TCTN1: variants seen among roughly 807,000 people sequenced by gnomAD.
TCTN1 encodes tectonic family member 1.
A neutral mutation model predicts 65.8 loss-of-function variants in TCTN1; 58 were observed. That is an observed-to-expected ratio of 0.88 (90% confidence interval 0.71 to 1.10). The LOEUF (loss-of-function observed/expected upper bound fraction) is 1.10. TCTN1 is among the 50% of genes least tolerant of loss of function. The probability of loss-of-function intolerance (pLI) is 0.00; values close to 1 mark genes in which losing one functional copy is unlikely to be tolerated. For missense variants in TCTN1, 645 were observed against 719.4 expected, an observed-to-expected ratio of 0.90 and a Z score of 1.18; for synonymous variants, 273 against 289.1, an observed-to-expected ratio of 0.94 and a Z score of 0.57.
chr12:110,629,053 T>C, intron 4 of TCTN1, 135 bp downstream of exon 4: 1 of 930,856 alleles, frequency 1.1e-6, no homozygotes, highest in Non-Finnish European at 1.6e-6. Flanking sequence ...TTAATGTTCA[T>C]GCCTACAAAT....
intron 6 of TCTN1, 144 bp downstream of exon 6, chr12:110,634,923 T>G: frequency 1.6e-6 from 1 of 617,382 alleles, no homozygotes; most frequent in Non-Finnish European, 2.8e-6. Flanking sequence ...TATCAGTGAT[T>G]ATTGAAATAA....
At chr12:110,647,412 ATTAC>A (rs929119302) in intron 13 of TCTN1, 76 bp downstream of exon 13, 3 of 1,574,252 alleles carry the variant, frequency 1.9e-6, no homozygotes, top group African/African-American at 2.7e-5. Context: ...GGTGACAGGT[ATTAC>A]TTTGTGAAAA....
Position 110,644,537 on chromosome 12 carries a change from G to C in TCTN1, c.1332-430G>C. ...CTAAAAATACAAAAAAATTAGCCAG[G>C]CATGGTGGTGGGCACCTGTAGTCCC... On this transcript the variant is annotated intron_variant, in intron 11 of 14. Coordinates refer to ENST00000397659, the MANE Select transcript of TCTN1 (RefSeq NM_001082538.3). The surrounding 1 kb of genome is among the most constrained non-coding windows in gnomAD (Gnocchi z 4.6). The C allele has an allele frequency of 4.1e-6, 1 of 241,686 alleles. No individual in the cohort carries two copies. Among genetic ancestry groups the C allele is most frequent in the South Asian group, 4.8e-5 (1 of 21,040 alleles). The allele number at this position is 241,686 out of a possible 1,614,324, so 15.0% of individuals were successfully genotyped here.
At position 110,640,449 on chromosome 12, in the gene TCTN1, A is replaced by G. The variant is rs1593348937; in HGVS notation, c.910A>G (p.Thr304Ala). Residue 304 changes from threonine (T) to alanine (A), a missense_variant, in exon 8 of 15, where the codon ACT (threonine) becomes GCT (alanine). Thr to Ala is a moderately conservative substitution (Grantham distance 58). Coordinates refer to ENST00000397659, the MANE Select transcript of TCTN1 (RefSeq NM_001082538.3). The surrounding 1 kb of genome is among the most constrained non-coding windows in gnomAD (Gnocchi z 4.9). Reference protein sequence around the residue: ...LNKTLTRREDTDVLQPTLVNA... With the variant: ...LNKTLTRREDADVLQPTLVNA... ...TAAAACGCTCACCCGACGGGAGGAC[A>G]CTGATGTGCTGCAGCCGACTCTCGT... 2 of 1,614,204 alleles carry G rather than the reference A, an allele frequency of 1.2e-6. No individual in the cohort carries two copies. Among genetic ancestry groups the G allele is most frequent in the Non-Finnish European group, 1.7e-6 (2 of 1,180,042 alleles).
At chr12:110,629,987 A>G (rs1320714187) in intron 4 of TCTN1, 3 of 152,122 alleles carry the variant, frequency 2.0e-5, no homozygotes, top group Admixed American at 6.5e-5. Context: ...AAAACCAAAC[A>G]TCGCATGTTC....
At chr12:110,629,446 A>C (rs1210577250) in intron 4 of TCTN1, 1 of 152,884 alleles carries the variant, frequency 6.5e-6, no homozygotes, top group Non-Finnish European at 1.5e-5. Context: ...ATGAATAGAC[A>C]CTTTTCAAAA....
intron 2 of TCTN1, among the ~76,000 whole-genome samples, chr12:110,620,267 G>T (rs1269382546): frequency 6.6e-6 from 1 of 152,074 alleles, no homozygotes; most frequent in Non-Finnish European, 1.5e-5. Context: ...AATTAGCCGG[G>T]CATGTTGGCG....
chr12:110,636,329 G>T, intron 6 of TCTN1, 152 bp from the exon 7 acceptor site: 1 of 593,052 alleles, frequency 1.7e-6, no homozygotes, highest in Non-Finnish European at 3.1e-6. Context: ...AACACATGCA[G>T]ATGGGGAGTC....
chr12:110,622,490 A>G (rs1364300458), intron 2 of TCTN1, among the ~76,000 whole-genome samples: 1 of 152,220 alleles, frequency 6.6e-6, no homozygotes, highest in African/African-American at 2.4e-5. Context: ...GAGGAATGGC[A>G]TCTAACTCAG....
intron 5 of TCTN1, 44 bp downstream of exon 5, chr12:110,632,603 T>C (rs972727791): frequency 1.2e-6 from 2 of 1,601,952 alleles, no homozygotes; most frequent in African/African-American, 2.7e-5. Flanking sequence ...TTTGCTGTTA[T>C]TATTAGGTTG....
At chr12:110,616,325 C>A in intron 1 of TCTN1, 1 of 437,474 alleles carries the variant, frequency 2.3e-6, no homozygotes, top group Non-Finnish European at 4.6e-6. Context: ...GATCACAGCT[C>A]ACTGCAGCCT....
At position 110,645,274 on chromosome 12, in the gene TCTN1, C is replaced by A. The variant is rs1015038133; in HGVS notation, c.1494+145C>A. 25 of 1,075,096 alleles carry A rather than the reference C, an allele frequency of 2.3e-5. No individual in the cohort carries two copies. The African/African-American group carries it at 3.8e-4, about 16-fold the overall frequency. 66.6% of individuals were successfully genotyped at this position (1,075,096 alleles called of 1,614,324 possible). A position where few individuals can be genotyped will look rare whatever the true frequency, so the allele number is the denominator to read the frequency against. ...CTGAATCTTGGATACTGATTTTTGC[C>A]CCTTGTTAGCAATGTTGCCTCTGGC... is the stretch of plus-strand genomic sequence containing the variant. On this transcript the variant is annotated intron_variant, in intron 12 of 14. Coordinates refer to ENST00000397659, the MANE Select transcript of TCTN1 (RefSeq NM_001082538.3).
chr12:110,631,277 G>A (rs1411877801), intron 4 of TCTN1, among the ~76,000 whole-genome samples: 4 of 54,406 alleles, frequency 7.4e-5, no homozygotes, highest in Non-Finnish European at 1.4e-4. Flanking sequence ...CGCTCGCCTC[G>A]GCCTCCCAAA....
chr12:110,620,079 C>T, intron 2 of TCTN1, 123 bp downstream of exon 2: 1 of 1,435,974 alleles, frequency 7.0e-7, no homozygotes, highest in Non-Finnish European at 9.7e-7. Flanking sequence ...TTACGTCGTT[C>T]TGAAGCCATA....
At position 110,647,181 on chromosome 12, in the gene TCTN1, C is replaced by G; in HGVS notation, c.1495-15C>G. ...GTCTGACTTGCAGTTTTGTAAGATT[C>G]TAATGGATTAACAGCATTTTGTTTT... On this transcript the variant is annotated splice_polypyrimidine_tract_variant and intron_variant, in intron 12 of 14. Transcript: ENST00000397659. The G allele has an allele frequency of 6.2e-7, 1 of 1,614,150 alleles. No homozygotes were observed. Among genetic ancestry groups the G allele is most frequent in the East Asian group, 2.2e-5 (1 of 44,886 alleles).
Position 110,628,849 on chromosome 12 carries a change from T to C in TCTN1, c.555T>C (p.Phe185=). The part of the protein sequence containing the change: ...FDTLMKTSDG[F]TLNAESYVSF... The stretch of plus-strand genomic sequence containing the variant: ...CATTGATGAAAACATCTGATGGTTT[T>C]ACATTGAATGCTGAATCATATGTTT... Residue 185 remains phenylalanine (F), a synonymous_variant, in exon 4 of 15, where the codon TTT becomes TTC. Transcript: ENST00000397659. 6.2e-7 allele frequency: 1 copy of C among 1,613,698 alleles called. No homozygotes were observed. The highest frequency in any genetic ancestry group is 8.5e-7 in the Non-Finnish European group (1 of 1,179,850).
intron 10 of TCTN1, 28 bp downstream of exon 10, chr12:110,641,655 G>A: frequency 1.3e-6 from 2 of 1,596,326 alleles, no homozygotes; most frequent in East Asian, 4.5e-5. Flanking sequence ...GTAGAGGGTG[G>A]ATTTATTTCT....
At chr12:110,627,845 G>A (rs758017430) in intron 3 of TCTN1, 19 of 606,386 alleles carry the variant, frequency 3.1e-5, no homozygotes, top group South Asian at 7.9e-5. Flanking sequence ...TCAGAGACAC[G>A]TTTATGCTTT....
At chr12:110,634,874 A>G (rs555282548) in intron 6 of TCTN1, 95 bp downstream of exon 6, 34 of 904,882 alleles carry the variant, frequency 3.8e-5, no homozygotes, top group Non-Finnish European at 5.3e-5. Flanking sequence ...ATTTCAGTAC[A>G]TGATTGACAC....
Sources: gnomAD v4.1 joint callset for allele counts (sites outside exome capture counted in the v4.1 genomes callset) on GRCh38, gnomAD v4.1.1 for gene constraint, Gnocchi (gnomAD v3.1) non-coding constraint, MANE v1.5 for transcripts, NCBI Gene and HGNC (gene_info 2026-07-23, HGNC 2026-07-21) for gene names.